Variants in TMPRSS4 observed in about 807,000 individuals in gnomAD.
TMPRSS4 encodes transmembrane protease serine 4.
TMPRSS4 carries 45 observed loss-of-function variants against 56.4 expected under a neutral mutation model. The ratio of observed to expected loss-of-function variants is 0.80; its 90% CI spans 0.63 to 1.02. The LOEUF (loss-of-function observed/expected upper bound fraction) is 1.02, where lower values mean the gene tolerates loss of function less well. TMPRSS4 is among the 50% of genes least tolerant of loss of function. The probability of loss-of-function intolerance (pLI) is 0.00; values close to 1 mark genes in which losing one functional copy is unlikely to be tolerated. For missense variants in TMPRSS4, 546 were observed against 556.7 expected (o/e 0.98, Z 0.19); for synonymous variants, 205 against 211.0 (o/e 0.97, Z 0.25).
intron 1 of TMPRSS4, among the ~76,000 whole-genome samples, chr11:118,078,463 A>T (rs1489653790): frequency 6.6e-6 from 1 of 152,194 alleles, no homozygotes; most frequent in Non-Finnish European, 1.5e-5. Context: ...AAATTCTGGC[A>T]AGAACAATTC....
intron 2 of TMPRSS4, among the ~76,000 whole-genome samples, chr11:118,097,527 T>G (rs185818075): frequency 6.6e-6 from 1 of 152,162 alleles, no homozygotes; most frequent in Non-Finnish European, 1.5e-5. Flanking sequence ...GAAGTCCCCA[T>G]GGCACCTCCC....
At chr11:118,104,485 C>CT (rs1484149487) in intron 4 of TMPRSS4, among the ~76,000 whole-genome samples, 1 of 152,216 alleles carries the variant, frequency 6.6e-6, no homozygotes, top group Non-Finnish European at 1.5e-5. Flanking sequence ...TACCCTGGGA[C>CT]TTCTGGTCAC....
At chr11:118,078,712 C>G (rs1331652384) in intron 1 of TMPRSS4, among the ~76,000 whole-genome samples, 2 of 152,080 alleles carry the variant, frequency 1.3e-5, no homozygotes, top group Non-Finnish European at 2.9e-5. Context: ...GGGGGAGCAA[C>G]AGAGAAGGGA....
intron 3 of TMPRSS4, 88 bp downstream of exon 3, chr11:118,099,186 C>T: frequency 9.6e-7 from 1 of 1,038,264 alleles, no homozygotes; most frequent in Non-Finnish European, 1.4e-6. Context: ...GAATAAGTGA[C>T]AGTCCCCCAC....
chr11:118,085,959 G>C (rs1401718782), intron 1 of TMPRSS4, among the ~76,000 whole-genome samples: 2 of 152,180 alleles, frequency 1.3e-5, no homozygotes, highest in Admixed American at 6.5e-5. Context: ...CTTCCCCTAG[G>C]ACAAAGAGAA....
At chr11:118,085,457 G>A (rs1445885947) in intron 1 of TMPRSS4, among the ~76,000 whole-genome samples, 2 of 151,974 alleles carry the variant, frequency 1.3e-5, no homozygotes, top group East Asian at 3.9e-4. Context: ...ACTCCTGGCT[G>A]GAGTCAGTCC....
In TMPRSS4 at chr11:118,113,405, A is replaced by T; in HGVS notation, c.880A>T (p.Met294Leu). The T allele has an allele frequency of 6.2e-7, 1 of 1,614,132 alleles. No homozygotes were observed. Among genetic ancestry groups the T allele is most frequent in the Non-Finnish European group, 8.5e-7 (1 of 1,180,012 alleles). ...CCCCAAAGACAATGACATCGCCCTCATGAAGCTGCAGTTCCCACTCACTTT... is the reference window on the plus strand; with the variant it reads ...CCCCAAAGACAATGACATCGCCCTCTTGAAGCTGCAGTTCCCACTCACTTT... ...MYPKDNDIAL[M>L]KLQFPLTFSG... Residue 294 changes from methionine to leucine, a missense_variant, in exon 9 of 13, where the codon ATG becomes TTG. By Grantham distance (15) the Met-to-Leu change is conservative (BLOSUM62 2). Coordinates refer to ENST00000437212, the MANE Select transcript of TMPRSS4 (RefSeq NM_019894.4).
chr11:118,088,904 T>A (rs1283697378), intron 1 of TMPRSS4, among the ~76,000 whole-genome samples: 1 of 152,182 alleles, frequency 6.6e-6, no homozygotes, highest in East Asian at 1.9e-4. Context: ...CATCTGAAAA[T>A]AAGGAAGTTG....
chr11:118,098,497 T>A (rs1946535724), intron 2 of TMPRSS4, among the ~76,000 whole-genome samples: 1 of 152,228 alleles, frequency 6.6e-6, no homozygotes, highest in Non-Finnish European at 1.5e-5. Context: ...GGATTGAGGA[T>A]GCATTGATTC....
chr11:118,089,166 T>C (rs1321102938), intron 1 of TMPRSS4, among the ~76,000 whole-genome samples: 3 of 152,058 alleles, frequency 2.0e-5, no homozygotes, highest in African/African-American at 7.2e-5. Flanking sequence ...TGCACCTACC[T>C]CCCTGCCCAT....
chr11:118,099,110 C>T lies in TMPRSS4; in HGVS notation c.157+12C>T. 1.2e-6 allele frequency: 2 copies of T among 1,606,834 alleles called. No individual in the cohort carries two copies. The highest frequency in any genetic ancestry group is 1.7e-6 in the Non-Finnish European group (2 of 1,173,628). On this transcript the variant is annotated intron_variant, in intron 3 of 12. Transcript: ENST00000437212. ...TGTGGTTGTCCTCAGTAAGTGACAG[C>T]CCGTACCCGACTTTCACCCTCTAAG...
chr11:118,112,169 C>T (rs905885639), intron 8 of TMPRSS4, among the ~76,000 whole-genome samples: 2 of 152,132 alleles, frequency 1.3e-5, no homozygotes, highest in African/African-American at 4.8e-5. Context: ...CCATATCGTT[C>T]AAGCTACAAA....
chr11:118,080,870 C>A (rs2135210367), intron 1 of TMPRSS4, among the ~76,000 whole-genome samples: 1 of 152,320 alleles, frequency 6.6e-6, no homozygotes, highest in East Asian at 1.9e-4. Flanking sequence ...TTCCTTCCTG[C>A]TCAGGTGAAA....
intron 1 of TMPRSS4, among the ~76,000 whole-genome samples, chr11:118,093,529 C>T (rs1162827506): frequency 6.6e-6 from 1 of 152,194 alleles, no homozygotes; most frequent in Non-Finnish European, 1.5e-5. Flanking sequence ...GTCAGTGGCT[C>T]CTCCATGTGA....
chr11:118,088,835 C>T (rs1228327132), intron 1 of TMPRSS4, among the ~76,000 whole-genome samples: 4 of 152,342 alleles, frequency 2.6e-5, no homozygotes, highest in African/African-American at 9.6e-5. Context: ...GACCTCTCAA[C>T]TTCCTCCTTC....
intron 12 of TMPRSS4, 118 bp downstream of exon 12, chr11:118,117,572 T>C: frequency 6.7e-7 from 1 of 1,501,530 alleles, no homozygotes; most frequent in South Asian, 1.4e-5. Context: ...CCCAAATAAC[T>C]TTCCCTCCAA....
downstream of TMPRSS4, among the ~76,000 whole-genome samples, chr11:118,124,055 G>T (rs942883573): frequency 6.6e-6 from 1 of 152,128 alleles, no homozygotes; most frequent in Non-Finnish European, 1.5e-5. Flanking sequence ...GCATACAGAA[G>T]TATTTGGGGT....
intron 9 of TMPRSS4, among the ~76,000 whole-genome samples, chr11:118,113,884 T>TC (rs1283438109): frequency 6.6e-6 from 1 of 152,300 alleles, no homozygotes; most frequent in East Asian, 1.9e-4. Context: ...TTTGAACAGC[T>TC]CTGTTGGATG....
At chr11:118,124,783 CT>C (rs1947857126), downstream of TMPRSS4, among the ~76,000 whole-genome samples, 1 of 152,216 alleles carries the variant, frequency 6.6e-6, no homozygotes, top group African/African-American at 2.4e-5. Flanking sequence ...TTCTCAAGCA[CT>C]TTTGTGAAAA....
Sources: allele counts gnomAD v4.1 joint callset (sites outside exome capture counted in the v4.1 genomes callset), GRCh38; gene constraint gnomAD v4.1.1; transcripts MANE v1.5; gene names NCBI Gene and HGNC (gene_info 2026-07-23, HGNC 2026-07-21).